PCDHGB1: variants seen among roughly 807,000 people sequenced by gnomAD.
PCDHGB1 encodes the protein protocadherin gamma subfamily B, 1.
Under a neutral mutation model 56.6 loss-of-function variants are expected in PCDHGB1, and 34 were observed. The observed-to-expected ratio is 0.60, with a 90% confidence interval of 0.46 to 0.80. PCDHGB1 has a LOEUF of 0.80. Among genes scored for constraint, PCDHGB1 ranks in the 30% least tolerant of loss-of-function variants. The probability of loss-of-function intolerance (pLI) is 0.00; values close to 1 mark genes in which losing one functional copy is unlikely to be tolerated. For synonymous variants in PCDHGB1, 561 were observed against 505.9 expected (o/e 1.11, Z -1.46); for missense variants, 1,278 against 1,204.6 (o/e 1.06, Z -0.90).
At chr5:141,372,739 G>A (rs778027776) in intron 1 of PCDHGB1, 1 of 1,613,668 alleles carries the variant, frequency 6.2e-7, no homozygotes, top group Non-Finnish European at 8.5e-7. Context: ...GATCTTCTAT[G>A]TGATGAAGCC....
At chr5:141,418,742 G>T (rs1351760637) in intron 1 of PCDHGB1, 6 of 1,613,778 alleles carry the variant, frequency 3.7e-6, no homozygotes, top group South Asian at 1.1e-5. Context: ...GTTCTCTCTG[G>T]ATTACACTAC....
At chr5:141,356,240 TCA>T in intron 1 of PCDHGB1, 1 of 1,584,290 alleles carries the variant, frequency 6.3e-7, no homozygotes, top group Non-Finnish European at 8.6e-7. Context: ...GCACCAGAAG[TCA>T]CAGTTACATC....
At chr5:141,400,192 G>A (rs1411721247) in intron 1 of PCDHGB1, 1 of 1,614,088 alleles carries the variant, frequency 6.2e-7, no homozygotes, top group South Asian at 1.1e-5. Context: ...GTTTTACCTA[G>A]TGGTGGCCTT....
chr5:141,393,475 C>G lies in PCDHGB1; in HGVS notation c.2409+40806C>G, dbSNP rs200282311. The G allele has an allele frequency of 1.2e-3, 1,881 of 1,614,046 alleles. 9 individuals are homozygous for G. Among genetic ancestry groups the G allele is most frequent in the South Asian group, 3.4e-3 (312 of 91,088 alleles). On this transcript the variant is annotated intron_variant, in intron 1 of 3. Coordinates refer to ENST00000523390, the MANE Select transcript of PCDHGB1 (RefSeq NM_018922.3). ...ACGGCCTCGGATGGCGGCAAGCCGC[C>G]TCGCTCTAGCACAGTGCGCATCCAC... is the stretch of plus-strand genomic sequence containing the variant.
At position 141,360,059 on chromosome 5, in the gene PCDHGB1, A is replaced by G. The variant is rs568145843; in HGVS notation, c.2409+7390A>G. ...GGAAACAGAAAACAAAAGCAGGAAA[A>G]GTGACCTTAGCCCGGATTCTGCCAT... On this transcript the variant is annotated intron_variant, in intron 1 of 3. Coordinates refer to ENST00000523390, the MANE Select transcript of PCDHGB1 (RefSeq NM_018922.3). The G allele has an allele frequency of 1.4e-5, 20 of 1,450,538 alleles. No individual in the cohort carries two copies. In the Admixed American group the frequency reaches 3.3e-4, roughly 24 times the overall value. The allele number at this position is 1,450,538 out of a possible 1,614,324, so 89.9% of individuals were successfully genotyped here.
At chr5:141,427,082 C>T (rs1335319344) in intron 1 of PCDHGB1, 1 of 458,118 alleles carries the variant, frequency 2.2e-6, no homozygotes, top group Admixed American at 2.3e-5. Flanking sequence ...CAGCCACTGA[C>T]CAGGATGAGG....
intron 2 of PCDHGB1, among the ~76,000 whole-genome samples, chr5:141,495,094 C>T (rs1470702358): frequency 6.6e-6 from 1 of 152,156 alleles, no homozygotes; most frequent in African/African-American, 2.4e-5. Flanking sequence ...CTTCCCTCCT[C>T]GCCACGACCG....
rs771088007 is a variant in PCDHGB1 at position 141,423,000 on chromosome 5, G to T, written c.2409+70331G>T. On this transcript the variant is annotated intron_variant, in intron 1 of 3. Coordinates refer to ENST00000523390, the MANE Select transcript of PCDHGB1 (RefSeq NM_018922.3). ...CGGAACCTGGCTACCTGGTGACCAA[G>T]GTGGTTGCGGTGGACAAAGATTCAG... The T allele has an allele frequency of 2.5e-6, 4 of 1,614,116 alleles. No individual in the cohort carries two copies. The African/African-American group carries it at 5.3e-5, about 22-fold the overall frequency.
Position 141,477,230 on chromosome 5 carries a change from G to A in PCDHGB1, c.2410-17577G>A, listed in dbSNP as rs768648952. The A allele has an allele frequency of 1.3e-5, 21 of 1,614,164 alleles. No individual in the cohort carries two copies. The highest frequency in any genetic ancestry group is 1.8e-5 in the Non-Finnish European group (21 of 1,180,046). On this transcript the variant is annotated intron_variant, in intron 1 of 3. Coordinates refer to ENST00000523390, the MANE Select transcript of PCDHGB1 (RefSeq NM_018922.3). This position sits in a 1 kb window ranked among gnomAD's most constrained non-coding sequence, Gnocchi z 4.9. ...GGATGCCCCTCTGGGGACTGTCATC[G>A]CTTTGCTCAGTGTGACTGACCTGGA...
intron 1 of PCDHGB1, among the ~76,000 whole-genome samples, chr5:141,450,467 T>C (rs997813636): frequency 9.2e-5 from 14 of 151,944 alleles, no homozygotes; most frequent in African/African-American, 3.2e-4. Flanking sequence ...ATTTTATATA[T>C]AGAGTTTGTT....
chr5:141,466,358 A>T (rs1210013683), intron 1 of PCDHGB1, among the ~76,000 whole-genome samples: 3 of 152,066 alleles, frequency 2.0e-5, no homozygotes, highest in Non-Finnish European at 4.4e-5. Context: ...GCTAATCTAG[A>T]TGTAATGGTT....
intron 1 of PCDHGB1, chr5:141,375,875 T>C: frequency 6.2e-7 from 1 of 1,613,778 alleles, no homozygotes; most frequent in Non-Finnish European, 8.5e-7. Flanking sequence ...GGACAGAGAC[T>C]CGGGCCAGAA....
chr5:141,465,778 A>G (rs544366126), intron 1 of PCDHGB1, among the ~76,000 whole-genome samples: 1 of 148,538 alleles, frequency 6.7e-6, no homozygotes, highest in East Asian at 1.9e-4. Context: ...CTCTTGTTAC[A>G]GTTTTTTTTT....
intron 1 of PCDHGB1, chr5:141,418,840 C>T: frequency 6.2e-7 from 1 of 1,614,006 alleles, no homozygotes; most frequent in Middle Eastern, 1.6e-4. Context: ...GAGGATCTCT[C>T]TCAACACGGT....
At chr5:141,414,358 C>T (rs1414747968) in intron 1 of PCDHGB1, 1 of 1,613,818 alleles carries the variant, frequency 6.2e-7, no homozygotes, top group Non-Finnish European at 8.5e-7. Context: ...GGCGTATCTA[C>T]CATTTAAATT....
intron 1 of PCDHGB1, chr5:141,416,359 A>G (rs1215806118): frequency 6.6e-6 from 1 of 152,228 alleles, no homozygotes; most frequent in Non-Finnish European, 1.5e-5. Flanking sequence ...TGAGGAGGCT[A>G]TAGAGGGTGA....
chr5:141,466,037 G>T (rs1204301031), intron 1 of PCDHGB1, among the ~76,000 whole-genome samples: 1 of 152,056 alleles, frequency 6.6e-6, no homozygotes, highest in African/African-American at 2.4e-5. Flanking sequence ...CAGGAGAACG[G>T]CATGAACCCA....
chr5:141,356,310 C>A lies in PCDHGB1; in HGVS notation c.2409+3641C>A, dbSNP rs1396473104. ...CGGGTACAGTAATTGCACTTTTCAA[C>A]GTGCATGACAGTGACTCAGGAGGAA... On this transcript the variant is annotated intron_variant, in intron 1 of 3. Transcript: ENST00000523390. 7.7e-6 allele frequency: 12 copies of A among 1,553,978 alleles called. No homozygotes were observed. The highest frequency in any genetic ancestry group is 2.7e-5 in the African/African-American group (2 of 73,252).
At chr5:141,445,118 G>A (rs964726987) in intron 1 of PCDHGB1, among the ~76,000 whole-genome samples, 1 of 152,148 alleles carries the variant, frequency 6.6e-6, no homozygotes, top group Non-Finnish European at 1.5e-5. Flanking sequence ...ATTGTAAATA[G>A]TATTTTTAAA....
Sources: allele counts gnomAD v4.1 joint callset (sites outside exome capture counted in the v4.1 genomes callset), GRCh38; gene constraint gnomAD v4.1.1; non-coding constraint Gnocchi (gnomAD v3.1); transcripts MANE v1.5; gene names NCBI Gene and HGNC (gene_info 2026-07-23, HGNC 2026-07-21).